Variants in TM2D1 observed in about 807,000 individuals in gnomAD.
The protein encoded by TM2D1 is TM2 domain-containing protein 1.
In TM2D1, 15 loss-of-function variants were observed where a neutral mutation model predicts 28.4. The ratio of observed to expected loss-of-function variants is 0.53; its 90% CI spans 0.35 to 0.81. The LOEUF is 0.81. Ranked by LOEUF, TM2D1 falls within the 40% of genes least tolerant of loss-of-function variation. TM2D1 has a pLI of 0.01. For synonymous variants in TM2D1, 93 were observed against 96.2 expected (o/e 0.97, Z 0.20); for missense variants, 236 against 254.9 (o/e 0.93, Z 0.50).
chr1:61,716,723 A>G (rs900622197), intron 2 of TM2D1, among the ~76,000 whole-genome samples: 4 of 151,722 alleles, frequency 2.6e-5, no homozygotes, highest in African/African-American at 9.7e-5. Context: ...AGATTTTATG[A>G]TATGAAATTA....
In TM2D1 at chr1:61,709,360, C is replaced by T. The variant is rs1644461444; in HGVS notation, c.316G>A (p.Gly106Ser). The T allele has an allele frequency of 6.2e-7, 1 of 1,609,570 alleles. No homozygotes were observed. Among genetic ancestry groups the T allele is most frequent in the African/African-American group, 1.3e-5 (1 of 74,738 alleles). The change falls in exon 3 of 7, where the codon GGT becomes AGT. Residue 106 changes from glycine (G) to serine (S), a missense_variant. Gly to Ser is a moderately conservative substitution (Grantham distance 56, BLOSUM62 0). This residue lies in a region of TM2D1 where 167 missense variants were observed against 162.7 expected (regional missense o/e 1.03). Coordinates refer to ENST00000606498, the MANE Select transcript of TM2D1 (RefSeq NM_032027.3). ...CGGCAAGATATGGGCTTGAAAAAAC[C>T]AACTTCGTTCCCAGTAAAATGTGTT... ...NETHFTGNEV[G>S]FFKPISCRNV...
intron 5 of TM2D1, among the ~76,000 whole-genome samples, chr1:61,691,932 A>AATATAT (rs1163953838): frequency 5.2e-5 from 4 of 76,390 alleles, no homozygotes; most frequent in East Asian, 4.8e-4. Flanking sequence ...AAAAAAAAAA[A>AATATAT]ATATATATAT....
chr1:61,707,404 T>A (rs769457146), intron 3 of TM2D1, among the ~76,000 whole-genome samples: 2 of 152,216 alleles, frequency 1.3e-5, no homozygotes, highest in Non-Finnish European at 2.9e-5. Context: ...ACAGATAATA[T>A]AAACCTGTAA....
At position 61,707,496 on chromosome 1, in the gene TM2D1, A is replaced by G. The variant is rs181065140; in HGVS notation, c.347+1833T>C. ...ATCTTGGACCAGCATTTAATGTATT[A>G]GTTGTTTAGAATGTTTAAGGTAGAA... On this transcript the variant is annotated intron_variant, in intron 3 of 6. Coordinates refer to ENST00000606498, the MANE Select transcript of TM2D1 (RefSeq NM_032027.3). Among the ~76,000 whole-genome samples, 146 of 152,336 alleles carry G rather than the reference A, an allele frequency of 9.6e-4. 2 individuals carry two copies. Among genetic ancestry groups the G allele is most frequent in the Non-Finnish European group, 3.5e-4 (24 of 68,040 alleles).
At chr1:61,716,658 C>G (rs1383821399) in intron 2 of TM2D1, among the ~76,000 whole-genome samples, 1 of 149,490 alleles carries the variant, frequency 6.7e-6, no homozygotes, top group Non-Finnish European at 1.5e-5. Flanking sequence ...TTCAACACTT[C>G]GAAGACTAAA....
intron 3 of TM2D1, among the ~76,000 whole-genome samples, chr1:61,704,459 T>G (rs1570112662): frequency 6.6e-6 from 1 of 152,080 alleles, no homozygotes; most frequent in African/African-American, 2.4e-5. Flanking sequence ...GAGATTTAGT[T>G]TCAATCTTGT....
intron 6 of TM2D1, among the ~76,000 whole-genome samples, chr1:61,682,766 GC>G (rs1371581384): frequency 6.6e-6 from 1 of 151,988 alleles, no homozygotes; most frequent in Non-Finnish European, 1.5e-5. Flanking sequence ...GGTGGTGTGT[GC>G]CTGTAGTCCC....
chr1:61,708,843 G>A (rs1644457677), intron 3 of TM2D1, among the ~76,000 whole-genome samples: 1 of 151,368 alleles, frequency 6.6e-6, no homozygotes, highest in African/African-American at 2.4e-5. Context: ...TACTTGATTG[G>A]TGAATTGCAT....
chr1:61,686,017 A>G (rs1644282751), intron 5 of TM2D1, among the ~76,000 whole-genome samples: 1 of 152,124 alleles, frequency 6.6e-6, no homozygotes, highest in Non-Finnish European at 1.5e-5. Flanking sequence ...TATTTAAATA[A>G]CCAAATTAAG....
intron 2 of TM2D1, among the ~76,000 whole-genome samples, chr1:61,714,280 C>T (rs906261533): frequency 2.0e-5 from 3 of 151,420 alleles, no homozygotes; most frequent in Non-Finnish European, 4.4e-5. Context: ...CAGTGGCTCA[C>T]ACCTGTAATC....
chr1:61,693,552 A>G (rs1042049593), intron 5 of TM2D1, among the ~76,000 whole-genome samples: 10 of 152,166 alleles, frequency 6.6e-5, no homozygotes, highest in African/African-American at 2.4e-4. Flanking sequence ...ACAGTTAGAG[A>G]AGGCAGGATA....
chr1:61,700,696 C>G (rs1644394712), intron 4 of TM2D1, among the ~76,000 whole-genome samples: 1 of 152,122 alleles, frequency 6.6e-6, no homozygotes, highest in Non-Finnish European at 1.5e-5. Flanking sequence ...TAAGTAAATG[C>G]CTCCACTATC....
In TM2D1 at chr1:61,724,937, G is replaced by A. The variant is rs758971556; in HGVS notation, c.164+20C>T. 5 of 1,569,214 alleles carry A rather than the reference G, an allele frequency of 3.2e-6. No homozygotes were observed. In the East Asian group the frequency reaches 6.8e-5, roughly 21 times the overall value. ...AACTCTACCTCGCCTCCATGGGGGGGTGTTCTCCACAGAGGATATTGTCCC... is the reference window on the plus strand; with the variant it reads ...AACTCTACCTCGCCTCCATGGGGGGATGTTCTCCACAGAGGATATTGTCCC... On this transcript the variant is annotated intron_variant, in intron 1 of 6. Transcript: ENST00000606498.
At chr1:61,686,255 C>T (rs1644284827) in intron 5 of TM2D1, among the ~76,000 whole-genome samples, 1 of 152,096 alleles carries the variant, frequency 6.6e-6, no homozygotes, top group South Asian at 2.1e-4. Context: ...AAAGTATCAT[C>T]AACACACTTT....
At chr1:61,688,964 G>C (rs1050184594) in intron 5 of TM2D1, among the ~76,000 whole-genome samples, 19 of 151,948 alleles carry the variant, frequency 1.3e-4, no homozygotes, top group Middle Eastern at 3.4e-3. Flanking sequence ...TTGAACCCGG[G>C]AGGTGGAGGT....
At chr1:61,697,692 A>G (rs913822035) in intron 4 of TM2D1, 3 of 152,150 alleles carry the variant, frequency 2.0e-5, no homozygotes, top group African/African-American at 4.8e-5. Flanking sequence ...GTCACACCCA[A>G]TAGTTTCCTC....
At chr1:61,723,509 A>G (rs1217060862) in intron 2 of TM2D1, among the ~76,000 whole-genome samples, 1 of 152,204 alleles carries the variant, frequency 6.6e-6, no homozygotes, top group East Asian at 1.9e-4. Flanking sequence ...AAATTTCACC[A>G]TTTCAGAACA....
At position 61,687,517 on chromosome 1, in the gene TM2D1, T is replaced by C. The variant is rs118027411; in HGVS notation, c.514-3971A>G. Among the ~76,000 whole-genome samples the C allele has an allele frequency of 1.3e-3, 202 of 152,308 alleles. 1 individual carries two copies. The East Asian group carries it at 0.026, about 20-fold the overall frequency. ...TCTTGTTAGTGTAAAATGTAATTTG[T>C]TTGTATATACTTAGGTGGTATTCTA... On this transcript the variant is annotated intron_variant, in intron 5 of 6. Coordinates refer to ENST00000606498, the MANE Select transcript of TM2D1 (RefSeq NM_032027.3).
At chr1:61,683,259 A>C (rs371151619) in intron 6 of TM2D1, 158 bp downstream of exon 6, 40 of 310,640 alleles carry the variant, frequency 1.3e-4, no homozygotes, top group African/African-American at 8.2e-4. Context: ...ATGAGCGTGG[A>C]CTAAAATGCT....
Sources: gnomAD v4.1 joint callset for allele counts (sites outside exome capture counted in the v4.1 genomes callset) on GRCh38, gnomAD v4.1.1 for gene constraint, gnomAD v4.1.1 regional missense constraint, MANE v1.5 for transcripts, NCBI Gene and HGNC (gene_info 2026-07-23, HGNC 2026-07-21) for gene names.